Variants in CUL7 observed in about 807,000 individuals in gnomAD.
CUL7 encodes cullin 7.
CUL7 carries 96 observed loss-of-function variants against 177.7 expected under a neutral mutation model. The ratio of observed to expected loss-of-function variants is 0.54; its 90% CI spans 0.46 to 0.64. The LOEUF (loss-of-function observed/expected upper bound fraction) is 0.64, where lower values mean the gene tolerates loss of function less well. Among genes scored for constraint, CUL7 ranks in the 30% least tolerant of loss-of-function variants. The probability of loss-of-function intolerance (pLI) is 0.00; values close to 1 mark genes in which losing one functional copy is unlikely to be tolerated. For synonymous variants in CUL7, 824 were observed against 890.2 expected, an observed-to-expected ratio of 0.93 and a Z score of 1.32; for missense variants, 1,893 against 2,187.9, an observed-to-expected ratio of 0.87 and a Z score of 2.69.
chr6:43,042,113 AGGAG>A (rs202089402), intron 19 of CUL7, among the ~76,000 whole-genome samples: 3,004 of 150,136 alleles, frequency 0.02, 23 homozygotes, highest in South Asian at 0.03. Context: ...GAAGGAGGGA[AGGAG>A]GGAAGGAAGG....
At chr6:43,039,864 G>A (rs892835263) in intron 22 of CUL7, among the ~76,000 whole-genome samples, 9 of 148,448 alleles carry the variant, frequency 6.1e-5, no homozygotes, top group East Asian at 2.0e-4. Context: ...TCAGCCTCCC[G>A]AGTAGCTGGG....
intron 19 of CUL7, 80 bp downstream of exon 19, chr6:43,042,722 A>C: frequency 1.1e-6 from 1 of 885,690 alleles, no homozygotes; most frequent in Non-Finnish European, 1.9e-6. Flanking sequence ...TGGGAATGGA[A>C]GGGTGGGTCA....
intron 15 of CUL7, 48 bp from the exon 16 acceptor site, chr6:43,044,933 G>C: frequency 6.2e-7 from 1 of 1,601,510 alleles, no homozygotes; most frequent in African/African-American, 1.3e-5. Flanking sequence ...TGAAGCATAT[G>C]TTATCTCAGT....
intron 9 of CUL7, among the ~76,000 whole-genome samples, chr6:43,047,582 C>T (rs1249949217): frequency 2.0e-5 from 3 of 152,096 alleles, no homozygotes; most frequent in Non-Finnish European, 4.4e-5. Context: ...ACTGCAAATA[C>T]CTACTGTCAC....
chr6:43,047,510 A>C (rs1243932254), intron 9 of CUL7, among the ~76,000 whole-genome samples: 1 of 152,196 alleles, frequency 6.6e-6, no homozygotes, highest in Non-Finnish European at 1.5e-5. Context: ...TTGTGTGTGT[A>C]TTATACCCAA....
At chr6:43,044,341 A>G (rs1763702592) in intron 16 of CUL7, among the ~76,000 whole-genome samples, 1 of 151,900 alleles carries the variant, frequency 6.6e-6, no homozygotes, top group Admixed American at 6.6e-5. Context: ...AAAATAAAAT[A>G]AAATAAAATT....
Position 43,046,412 on chromosome 6 carries a change from G to C in CUL7, c.2489-5C>G, listed in dbSNP as rs755235483. 4 of 1,614,096 alleles carry C rather than the reference G, an allele frequency of 2.5e-6. No homozygotes were observed. The highest frequency in any genetic ancestry group is 1.7e-5 in the Admixed American group (1 of 60,008). Reference sequence around the variant, plus strand: ...CCTTCACTTCCACACTGGAGCCTGGGGGCAAGTGGGAAGGGGTGGTGGTCA... The same window carrying C: ...CCTTCACTTCCACACTGGAGCCTGGCGGCAAGTGGGAAGGGGTGGTGGTCA... On this transcript the variant is annotated splice_region_variant and splice_polypyrimidine_tract_variant and intron_variant, in intron 11 of 25. Coordinates refer to ENST00000265348, the MANE Select transcript of CUL7 (RefSeq NM_014780.5).
Position 43,053,308 on chromosome 6 carries a change from G to C in CUL7, c.-9+314C>G, listed in dbSNP as rs1764600258. Among the ~76,000 whole-genome samples the C allele has an allele frequency of 6.6e-6, 1 of 152,116 alleles. No individual in the cohort carries two copies. On this transcript the variant is annotated intron_variant, in intron 1 of 25. Transcript: ENST00000265348. The surrounding 1 kb of genome is among the most constrained non-coding windows in gnomAD (Gnocchi z 4.1). ...ACTGGTGGTGGAGTGGGAGGGCAAG[G>C]CGCGATGGACTAGGAGGAGGCACTG...
intron 9 of CUL7, among the ~76,000 whole-genome samples, chr6:43,047,406 C>A (rs796088318): frequency 7.2e-5 from 11 of 152,256 alleles, no homozygotes; most frequent in African/African-American, 2.4e-4. Flanking sequence ...TTCATCCAGG[C>A]CCTACTGTCC....
chr6:43,037,677 C>G lies in CUL7; in HGVS notation c.*11G>C, dbSNP rs1763057010. ...CTCCAGCTCTACCTTCCCCTGACCC[C>G]AAGTCTAGGGCTACCGGAAGGTAGA... On this transcript the variant is annotated 3_prime_UTR_variant, in exon 26 of 26. Transcript: ENST00000265348. 7.1e-6 allele frequency: 11 copies of G among 1,550,204 alleles called. No individual in the cohort carries two copies. Among genetic ancestry groups the G allele is most frequent in the Non-Finnish European group, 9.6e-6 (11 of 1,145,572 alleles).
rs1304490600 is a variant in CUL7 at position 43,038,026 on chromosome 6, G to A, written c.4774-15C>T. 3.8e-6 allele frequency: 6 copies of A among 1,584,718 alleles called. No homozygotes were observed. In the South Asian group the frequency reaches 4.7e-5, roughly 12 times the overall value. ...GCCTCCAGCACCTGGTGTGGGGGAG[G>A]AAGGGAGAAGCGGTAGTTTAGAGGC... is the stretch of plus-strand genomic sequence containing the variant. On this transcript the variant is annotated splice_polypyrimidine_tract_variant and intron_variant, in intron 25 of 25. Coordinates refer to ENST00000265348, the MANE Select transcript of CUL7 (RefSeq NM_014780.5).
Position 43,053,489 on chromosome 6 carries a change from A to G in CUL7, c.-9+133T>C, listed in dbSNP as rs1298337319. The G allele has an allele frequency of 5.4e-6, 3 of 556,886 alleles. No individual in the cohort carries two copies. The highest frequency in any genetic ancestry group is 5.7e-6 in the Non-Finnish European group (2 of 353,456). 34.5% of individuals were successfully genotyped at this position (556,886 alleles called of 1,614,324 possible). ...CCAGGGGCGCGCGGTAAGGTGGGGG[A>G]GAGGGGATTAGGCCCCATAAGCTAG... On this transcript the variant is annotated intron_variant, in intron 1 of 25. Transcript: ENST00000265348. This position sits in a 1 kb window ranked among gnomAD's most constrained non-coding sequence, Gnocchi z 4.1.
Position 43,037,807 on chromosome 6 carries a change from G to C in CUL7, c.4978C>G (p.Leu1660Val). ...TTGGGGCCTGAGGAGCCTGGGTTCA[G>C]GGACTCAGTGTGAGGCTCCATGACA... ...VTVMEPHTES[L>V]NPGSSGPNPP... is the part of the protein sequence containing the mutation. The change falls in exon 26 of 26, where the codon CTG (leucine) becomes GTG (valine). Residue 1660 changes from leucine to valine, a missense_variant. By Grantham distance (32) the Leu-to-Val change is conservative. Around this residue, in one of 5 missense-constraint regions of CUL7, gnomAD observed 248 missense variants for 262.5 expected, o/e 0.94. Transcript: ENST00000265348. 1.2e-6 allele frequency: 2 copies of C among 1,608,760 alleles called. No homozygotes were observed. The highest frequency in any genetic ancestry group is 1.7e-6 in the Non-Finnish European group (2 of 1,177,690).
chr6:43,046,776 G>T, intron 10 of CUL7, 104 bp downstream of exon 10: 1 of 1,221,244 alleles, frequency 8.2e-7, no homozygotes. Context: ...GGTCACTAGA[G>T]TCACCTGCTG....
At chr6:43,046,200 C>T (rs1380065477) in intron 12 of CUL7, 36 bp downstream of exon 12, 1 of 1,614,126 alleles carries the variant, frequency 6.2e-7, no homozygotes, top group Non-Finnish European at 8.5e-7. Flanking sequence ...CAGGAAAGCA[C>T]ACGTGTGTGG....
intron 25 of CUL7, 50 bp downstream of exon 25, chr6:43,038,216 TC>T: frequency 1.3e-6 from 2 of 1,598,470 alleles, no homozygotes; most frequent in Admixed American, 1.7e-5. Flanking sequence ...TGTAGACTGC[TC>T]CCCCAACCCC....
At position 43,053,549 on chromosome 6, in the gene CUL7, G is replaced by A; in HGVS notation, c.-9+73C>T. 1.9e-6 allele frequency: 2 copies of A among 1,053,550 alleles called. No individual in the cohort carries two copies. Among genetic ancestry groups the A allele is most frequent in the Non-Finnish European group, 2.5e-6 (2 of 791,220 alleles). The allele number at this position is 1,053,550 out of a possible 1,614,324, so 65.3% of individuals were successfully genotyped here. A position where few individuals can be genotyped will look rare whatever the true frequency, so the allele number is the denominator to read the frequency against. On this transcript the variant is annotated intron_variant, in intron 1 of 25. Transcript: ENST00000265348. This position sits in a 1 kb window ranked among gnomAD's most constrained non-coding sequence, Gnocchi z 4.1. Reference sequence around the variant, plus strand: ...GCACGGTAGGATGGGGACCGAGGTTGGGTGAGCGCGAGGCTCGATGGGCTA... The same window carrying A: ...GCACGGTAGGATGGGGACCGAGGTTAGGTGAGCGCGAGGCTCGATGGGCTA...
Position 43,052,270 on chromosome 6 carries a change from A to G in CUL7, c.519T>C (p.Pro173=), listed in dbSNP as rs770573583. 29 of 1,614,104 alleles carry G rather than the reference A, an allele frequency of 1.8e-5. No individual in the cohort carries two copies. The highest frequency in any genetic ancestry group is 2.5e-5 in the Non-Finnish European group (29 of 1,180,040). The change falls in exon 2 of 26, where the codon CCT becomes CCC. Residue 173 remains proline (P), a synonymous_variant. Transcript: ENST00000265348. The surrounding 1 kb of genome is among the most constrained non-coding windows in gnomAD (Gnocchi z 4.5). ...LDLLMHMLSS[P]DYQIRWSAGR... ...CTGCACTCCAGCGAATCTGATAATC[A>G]GGACTACTCAACATGTGCATGAGCA...
chr6:43,045,129 C>T lies in CUL7; in HGVS notation c.3038+98G>A. On this transcript the variant is annotated intron_variant, in intron 15 of 25. Transcript: ENST00000265348. This position sits in a 1 kb window ranked among gnomAD's most constrained non-coding sequence, Gnocchi z 4.8. ...CAGCCCCCTCCCCACGCATATTAAA[C>T]CTCCATCTCACAGCTTCTATGGACC... 1 of 1,478,660 alleles carries T rather than the reference C, an allele frequency of 6.8e-7. No individual in the cohort carries two copies. The highest frequency in any genetic ancestry group is 9.2e-7 in the Non-Finnish European group (1 of 1,083,054). 91.6% of individuals were successfully genotyped at this position (1,478,660 alleles called of 1,614,324 possible).
Sources: allele counts gnomAD v4.1 joint callset (sites outside exome capture counted in the v4.1 genomes callset), GRCh38; gene constraint gnomAD v4.1.1; regional missense constraint gnomAD v4.1.1; non-coding constraint Gnocchi (gnomAD v3.1); transcripts MANE v1.5; gene names NCBI Gene and HGNC (gene_info 2026-07-23, HGNC 2026-07-21).